SUSD4: variants seen among roughly 807,000 people sequenced by gnomAD.
SUSD4 encodes the protein sushi domain containing 4.
In SUSD4, 41 loss-of-function variants were observed where a neutral mutation model predicts 50.5. The observed-to-expected ratio is 0.81, with a 90% CI of 0.63 to 1.05. The LOEUF (loss-of-function observed/expected upper bound fraction) is 1.05, where lower values mean the gene tolerates loss of function less well. Ranked by LOEUF, SUSD4 falls within the 50% of genes least tolerant of loss-of-function variation. The pLI is 0.00. For synonymous variants in SUSD4, 257 were observed against 257.3 expected, an observed-to-expected ratio of 1.00 and a Z score of 0.01; for missense variants, 580 against 634.7, an observed-to-expected ratio of 0.91 and a Z score of 0.93.
At chr1:223,255,667 G>C (rs1661636217) in intron 5 of SUSD4, among the ~76,000 whole-genome samples, 1 of 152,158 alleles carries the variant, frequency 6.6e-6, no homozygotes, top group Admixed American at 6.5e-5. Context: ...AGGAGGCGAG[G>C]GAAGGGCAGA....
At chr1:223,267,066 G>A (rs573917233) in intron 4 of SUSD4, among the ~76,000 whole-genome samples, 3 of 152,214 alleles carry the variant, frequency 2.0e-5, no homozygotes, top group Admixed American at 6.5e-5. Flanking sequence ...CAGGGTAACC[G>A]ACTGGCTCTG....
chr1:223,269,744 TAGAAATTTCCTCCA>T, intron 3 of SUSD4, among the ~76,000 whole-genome samples: 1 of 152,328 alleles, frequency 6.6e-6, no homozygotes, highest in Admixed American at 6.5e-5. Flanking sequence ...TTGTGAATCA[TAGAAATTTCCTCCA>T]GAAATTTCTC....
At chr1:223,252,217 A>AT (rs1277147534) in intron 5 of SUSD4, among the ~76,000 whole-genome samples, 2 of 69,110 alleles carry the variant, frequency 2.9e-5, no homozygotes, top group South Asian at 9.0e-4. Flanking sequence ...TTAAAGTATA[A>AT]TTAAAAAAAA....
At chr1:223,247,847 G>T (rs1661043496) in intron 5 of SUSD4, among the ~76,000 whole-genome samples, 1 of 152,134 alleles carries the variant, frequency 6.6e-6, no homozygotes, top group Non-Finnish European at 1.5e-5. Flanking sequence ...AGTTGCAATG[G>T]TCAGGAGACC....
chr1:223,227,711 G>C lies in SUSD4; in HGVS notation c.944C>G (p.Thr315Ser). 6.2e-7 allele frequency: 1 copy of C among 1,613,078 alleles called. No homozygotes were observed. Among genetic ancestry groups the C allele is most frequent in the Non-Finnish European group, 8.5e-7 (1 of 1,179,648 alleles). ...SEQTWPSTHETLLTTWKIVAF... is the reference protein window; with the variant it reads ...SEQTWPSTHESLLTTWKIVAF... ...CACAATCTTCCACGTGGTCAGGAGGGTCTCATGGGTGCTGGGCCACGTTTG... is the reference window on the plus strand; with the variant it reads ...CACAATCTTCCACGTGGTCAGGAGGCTCTCATGGGTGCTGGGCCACGTTTG... The change falls in exon 7 of 9, where the codon ACC (threonine) becomes AGC (serine). Residue 315 changes from threonine to serine, a missense_variant. Physicochemically the swap from Thr to Ser is moderately conservative, Grantham distance 58. Transcript: ENST00000366878. This position sits in a 1 kb window ranked among gnomAD's most constrained non-coding sequence, Gnocchi z 4.5.
intron 2 of SUSD4, among the ~76,000 whole-genome samples, chr1:223,302,880 T>C (rs1485873907): frequency 6.6e-6 from 1 of 152,152 alleles, no homozygotes; most frequent in Non-Finnish European, 1.5e-5. Context: ...CTAACATTAA[T>C]AAGGAAACGT....
At chr1:223,267,090 A>G (rs576541607) in intron 4 of SUSD4, among the ~76,000 whole-genome samples, 4 of 152,356 alleles carry the variant, frequency 2.6e-5, no homozygotes, top group East Asian at 1.9e-4. Context: ...TTGCAGACCT[A>G]GAAAAACTAT....
At chr1:223,250,271 A>G (rs887810557) in intron 5 of SUSD4, among the ~76,000 whole-genome samples, 6 of 152,346 alleles carry the variant, frequency 3.9e-5, no homozygotes, top group African/African-American at 1.4e-4. Flanking sequence ...CTGGCACAAA[A>G]GGAAATGCTC....
At chr1:223,248,269 A>G (rs182112725) in intron 5 of SUSD4, among the ~76,000 whole-genome samples, 257 of 152,318 alleles carry the variant, frequency 1.7e-3, no homozygotes, top group African/African-American at 5.8e-3. Flanking sequence ...CTGAGTGCAA[A>G]GGCATCGCAT....
Position 223,222,087 on chromosome 1 carries a change from A to C in SUSD4, c.*105T>G. 1 of 1,152,762 alleles carries C rather than the reference A, an allele frequency of 8.7e-7. No homozygotes were observed. Among genetic ancestry groups the C allele is most frequent in the Non-Finnish European group, 1.3e-6 (1 of 798,486 alleles). 71.4% of individuals were successfully genotyped at this position (1,152,762 alleles called of 1,614,324 possible). A position where few individuals can be genotyped will look rare whatever the true frequency, so the allele number is the denominator to read the frequency against. ...TGTGAACTGTGGTCCCCATGTAGAC[A>C]AGTTAGACATTTTGCCCCCAGGCTC... On this transcript the variant is annotated 3_prime_UTR_variant, in exon 9 of 9. Coordinates refer to ENST00000366878, the MANE Select transcript of SUSD4 (RefSeq NM_017982.4).
At chr1:223,275,223 A>C (rs1663176394) in intron 3 of SUSD4, among the ~76,000 whole-genome samples, 1 of 152,200 alleles carries the variant, frequency 6.6e-6, no homozygotes, top group African/African-American at 2.4e-5. Context: ...TAAAACCTCA[A>C]ATATTTGCCA....
Position 223,227,778 on chromosome 1 carries a change from A to G in SUSD4, c.917-40T>C, listed in dbSNP as rs756880358. ...ACAAAGCTGTACGTGAGGCTCCCAG[A>G]CCATGAGAGGTGCCGAGGTTCCCCG... On this transcript the variant is annotated intron_variant, in intron 6 of 8. Transcript: ENST00000366878. The surrounding 1 kb of genome is among the most constrained non-coding windows in gnomAD (Gnocchi z 4.5). The G allele has an allele frequency of 1.9e-6, 3 of 1,569,696 alleles. No homozygotes were observed. Among genetic ancestry groups the G allele is most frequent in the African/African-American group, 1.4e-5 (1 of 74,062 alleles).
At chr1:223,246,294 G>A (rs902762373) in intron 5 of SUSD4, among the ~76,000 whole-genome samples, 3 of 152,104 alleles carry the variant, frequency 2.0e-5, no homozygotes, top group African/African-American at 7.2e-5. Flanking sequence ...ATTGGATTTG[G>A]CCAAATGGGA....
chr1:223,261,130 G>A (rs1288279192), intron 5 of SUSD4, among the ~76,000 whole-genome samples: 4 of 152,164 alleles, frequency 2.6e-5, no homozygotes, highest in South Asian at 2.1e-4. Flanking sequence ...GGAGACTAAC[G>A]GGCATTGTGG....
chr1:223,360,162 ATTGAG>A, intron 2 of SUSD4: 1 of 469,642 alleles, frequency 2.1e-6, no homozygotes, highest in Non-Finnish European at 4.4e-6. Context: ...GCAGAGCCTG[ATTGAG>A]TTATTTATAA....
At chr1:223,245,814 T>C (rs773431701) in intron 5 of SUSD4, among the ~76,000 whole-genome samples, 1 of 152,064 alleles carries the variant, frequency 6.6e-6, no homozygotes, top group Non-Finnish European at 1.5e-5. Context: ...TGTTTCTAAA[T>C]AGGGCTTGGT....
At chr1:223,235,538 C>T (rs1196490755) in intron 5 of SUSD4, among the ~76,000 whole-genome samples, 1 of 151,538 alleles carries the variant, frequency 6.6e-6, no homozygotes, top group Non-Finnish European at 1.5e-5. Flanking sequence ...ACCCCCAAAC[C>T]CCCAACAATC....
chr1:223,240,482 T>C (rs1161859451), intron 5 of SUSD4, among the ~76,000 whole-genome samples: 3 of 152,218 alleles, frequency 2.0e-5, no homozygotes, highest in South Asian at 2.1e-4. Context: ...GGGTTTTTTT[T>C]TCAGTCTTTG....
At chr1:223,288,782 T>C (rs906146547) in intron 3 of SUSD4, among the ~76,000 whole-genome samples, 3 of 152,216 alleles carry the variant, frequency 2.0e-5, no homozygotes, top group Non-Finnish European at 2.9e-5. Flanking sequence ...TGAATTGATT[T>C]TAGTCTCTTT....
Sources: allele counts gnomAD v4.1 joint callset (sites outside exome capture counted in the v4.1 genomes callset), GRCh38; gene constraint gnomAD v4.1.1; non-coding constraint Gnocchi (gnomAD v3.1); transcripts MANE v1.5; gene names NCBI Gene and HGNC (gene_info 2026-07-23, HGNC 2026-07-21).